Variants in SORCS3 observed in about 807,000 individuals in gnomAD.
SORCS3 encodes VPS10 domain-containing receptor SorCS3.
SORCS3 carries 57 observed loss-of-function variants against 146.3 expected under a neutral mutation model. The ratio of observed to expected loss-of-function variants is 0.39; its 90% CI spans 0.31 to 0.49. The LOEUF is 0.49. SORCS3 is among the 20% of genes least tolerant of loss of function. The pLI, the probability that SORCS3 is intolerant of heterozygous loss-of-function variation, is 0.92. For synonymous variants in SORCS3, 653 were observed against 618.5 expected (o/e 1.06, Z -0.83); for missense variants, 1,341 against 1,575.5 (o/e 0.85, Z 2.52).
At chr10:105,249,307 T>C (rs1049309601) in intron 22 of SORCS3, among the ~76,000 whole-genome samples, 1 of 152,024 alleles carries the variant, frequency 6.6e-6, no homozygotes, top group Non-Finnish European at 1.5e-5. Flanking sequence ...AAAATATGGA[T>C]CTGAAGATGA....
intron 6 of SORCS3, 51 bp from the exon 7 acceptor site, chr10:105,105,346 C>T (rs928806749): frequency 8.4e-7 from 1 of 1,195,786 alleles, no homozygotes; most frequent in African/African-American, 1.5e-5. Context: ...ACCTGGGGCT[C>T]CCTCATGATT....
chr10:105,063,949 A>G (rs1260434176), intron 5 of SORCS3, among the ~76,000 whole-genome samples: 1 of 152,196 alleles, frequency 6.6e-6, no homozygotes, highest in Non-Finnish European at 1.5e-5. Context: ...AGTCCTCTCT[A>G]TGGTAGCAGC....
intron 1 of SORCS3, among the ~76,000 whole-genome samples, chr10:104,775,981 A>G (rs1468824156): frequency 6.6e-6 from 1 of 152,144 alleles, no homozygotes; most frequent in Non-Finnish European, 1.5e-5. Context: ...GAAATTGAAC[A>G]CTTGTTGGTG....
intron 3 of SORCS3, among the ~76,000 whole-genome samples, chr10:104,974,148 G>C (rs1388993895): frequency 6.6e-6 from 1 of 152,118 alleles, no homozygotes; most frequent in Non-Finnish European, 1.5e-5. Flanking sequence ...GGTGTGGTGT[G>C]GTGCTGAAAA....
At chr10:104,728,241 G>T (rs1056235220) in intron 1 of SORCS3, among the ~76,000 whole-genome samples, 6 of 152,006 alleles carry the variant, frequency 3.9e-5, no homozygotes, top group Non-Finnish European at 7.4e-5. Context: ...CTTAGAAGTA[G>T]AATTTCTGCT....
At chr10:104,983,915 A>G (rs1460755735) in intron 4 of SORCS3, among the ~76,000 whole-genome samples, 2 of 152,018 alleles carry the variant, frequency 1.3e-5, no homozygotes, top group South Asian at 4.1e-4. Context: ...TAAAAATGGG[A>G]TTTTAACATA....
intron 1 of SORCS3, among the ~76,000 whole-genome samples, chr10:104,693,782 A>G (rs900740194): frequency 6.6e-6 from 1 of 152,066 alleles, no homozygotes; most frequent in African/African-American, 2.4e-5. Context: ...GGTTGGAAAC[A>G]TTATCCAAGG....
chr10:104,789,910 C>T (rs954800493), intron 1 of SORCS3, among the ~76,000 whole-genome samples: 1 of 152,152 alleles, frequency 6.6e-6, no homozygotes, highest in African/African-American at 2.4e-5. Flanking sequence ...CAGTGTGCAA[C>T]TTTGTTGGAT....
At chr10:105,029,632 T>G (rs2055251397) in intron 4 of SORCS3, among the ~76,000 whole-genome samples, 1 of 152,208 alleles carries the variant, frequency 6.6e-6, no homozygotes, top group African/African-American at 2.4e-5. Context: ...CTGATGGAGC[T>G]GGGAGTGGGC....
intron 1 of SORCS3, among the ~76,000 whole-genome samples, chr10:104,743,386 A>G (rs2016872383): frequency 6.6e-6 from 1 of 152,192 alleles, no homozygotes; most frequent in African/African-American, 2.4e-5. Flanking sequence ...GGAAACATTT[A>G]TTAAGCATTC....
At chr10:105,145,169 G>A (rs1283761597) in intron 8 of SORCS3, among the ~76,000 whole-genome samples, 1 of 151,782 alleles carries the variant, frequency 6.6e-6, no homozygotes, top group Non-Finnish European at 1.5e-5. Context: ...AGGTCATTTT[G>A]ATGCACACCA....
chr10:104,726,975 C>T (rs984386795), intron 1 of SORCS3, among the ~76,000 whole-genome samples: 2 of 152,130 alleles, frequency 1.3e-5, no homozygotes, highest in East Asian at 3.9e-4. Context: ...TGCTGAATTC[C>T]CTGTTGGGCC....
intron 1 of SORCS3, among the ~76,000 whole-genome samples, chr10:104,668,834 G>A (rs367689803): frequency 8.6e-4 from 131 of 152,308 alleles, no homozygotes; most frequent in African/African-American, 3.0e-3. Context: ...ATAACTCTTA[G>A]TTGGAACTAA....
chr10:104,964,087 C>G (rs2054813079), intron 3 of SORCS3, among the ~76,000 whole-genome samples: 1 of 152,096 alleles, frequency 6.6e-6, no homozygotes. Context: ...ATTTTTTTCC[C>G]CACATCCTCC....
chr10:104,939,111 C>A (rs989672363), intron 3 of SORCS3, among the ~76,000 whole-genome samples: 3 of 152,240 alleles, frequency 2.0e-5, no homozygotes, highest in African/African-American at 7.2e-5. Context: ...GATAGTTATA[C>A]TCTTCCTCTA....
intron 2 of SORCS3, among the ~76,000 whole-genome samples, chr10:104,856,487 ATTATAT>A (rs1223273078): frequency 8.3e-6 from 1 of 120,398 alleles, no homozygotes; most frequent in South Asian, 2.3e-4. Context: ...CCTCTAATTG[ATTATAT>A]TTATATTTAT....
intron 1 of SORCS3, among the ~76,000 whole-genome samples, chr10:104,645,814 G>A (rs777564511): frequency 2.0e-5 from 3 of 152,188 alleles, no homozygotes; most frequent in Non-Finnish European, 2.9e-5. Flanking sequence ...AATAGTGACA[G>A]ATTTGATCAG....
intron 1 of SORCS3, among the ~76,000 whole-genome samples, chr10:104,710,603 G>T (rs1052857422): frequency 6.6e-6 from 1 of 152,160 alleles, no homozygotes; most frequent in Non-Finnish European, 1.5e-5. Context: ...ATGAAGTGAC[G>T]AAGAACATTT....
intron 1 of SORCS3, among the ~76,000 whole-genome samples, chr10:104,787,134 C>T (rs1255279764): frequency 6.6e-6 from 1 of 152,156 alleles, no homozygotes. Flanking sequence ...CACACAGAGT[C>T]CTCACCTTGG....
Sources: gnomAD v4.1 joint callset for allele counts (sites outside exome capture counted in the v4.1 genomes callset) on GRCh38, gnomAD v4.1.1 for gene constraint, MANE v1.5 for transcripts, NCBI Gene and HGNC (gene_info 2026-07-23, HGNC 2026-07-21) for gene names.